The following GRM7 variants were observed in gnomAD, a reference collection of about 807,000 sequenced individuals.
The protein encoded by GRM7 is metabotropic glutamate receptor 7.
In GRM7, 35 loss-of-function variants were observed where a neutral mutation model predicts 84.5. The ratio of observed to expected loss-of-function variants is 0.41; its 90% CI spans 0.32 to 0.55. GRM7 has a LOEUF of 0.55. GRM7 is among the 20% of genes least tolerant of loss of function. GRM7 has a pLI of 0.19. For missense variants in GRM7, 1,003 were observed against 1,194.6 expected, an observed-to-expected ratio of 0.84 and a Z score of 2.36; for synonymous variants, 487 against 455.1, an observed-to-expected ratio of 1.07 and a Z score of -0.89.
intron 9 of GRM7, among the ~76,000 whole-genome samples, chr3:7,685,972 T>C (rs1700567810): frequency 6.6e-6 from 1 of 152,192 alleles, no homozygotes; most frequent in Non-Finnish European, 1.5e-5. Flanking sequence ...CTCAACATTA[T>C]GTTACTTGTT....
rs577110503 is a variant in GRM7 at position 7,305,067 on chromosome 3, T to G, written c.879-1431T>G. ...AGTCTACTTTCTGATATGTATCAGA[T>G]TTTTACAGAAAAATTATTTTCTACC... On this transcript the variant is annotated intron_variant, in intron 3 of 9. Coordinates refer to ENST00000357716, the MANE Select transcript of GRM7 (RefSeq NM_000844.4). 2.0e-4 allele frequency among the ~76,000 whole-genome samples: 31 copies of G among 152,276 alleles called. No homozygotes were observed. In the East Asian group the frequency reaches 6.0e-3, roughly 29 times the overall value.
intron 9 of GRM7, among the ~76,000 whole-genome samples, chr3:7,720,942 A>T (rs1377766186): frequency 1.3e-5 from 2 of 152,204 alleles, no homozygotes; most frequent in Admixed American, 6.5e-5. Flanking sequence ...TCTTAGCCTC[A>T]GATCTACTTT....
At chr3:6,964,829 GA>G (rs1375815814) in intron 1 of GRM7, among the ~76,000 whole-genome samples, 2 of 152,174 alleles carry the variant, frequency 1.3e-5, no homozygotes, top group Non-Finnish European at 1.5e-5. Flanking sequence ...CTTGGTATCT[GA>G]CAGCAATGCC....
In GRM7 at chr3:7,055,541, G is replaced by A. The variant is rs1322731252; in HGVS notation, c.520-90911G>A. ...TATATATACATACACACACATTTAA[G>A]ACAGAGTCTCACTCTGTCACCCAGG... On this transcript the variant is annotated intron_variant, in intron 1 of 9. Transcript: ENST00000357716. Among the ~76,000 whole-genome samples the A allele has an allele frequency of 5.3e-5, 8 of 150,226 alleles. No homozygotes were observed. In the East Asian group the frequency reaches 1.6e-3, roughly 30 times the overall value.
intron 2 of GRM7, among the ~76,000 whole-genome samples, chr3:7,154,094 T>C (rs1033170609): frequency 9.9e-5 from 15 of 152,152 alleles, no homozygotes; most frequent in African/African-American, 3.6e-4. Flanking sequence ...CTTTGAAAAC[T>C]TGTGTGAATC....
At chr3:7,341,552 C>T (rs767114749) in intron 4 of GRM7, among the ~76,000 whole-genome samples, 1 of 152,042 alleles carries the variant, frequency 6.6e-6, no homozygotes, top group African/African-American at 2.4e-5. Context: ...CAAGAGCTTG[C>T]AGTCTAGTAT....
chr3:7,092,426 T>C (rs1698697950), intron 1 of GRM7, among the ~76,000 whole-genome samples: 1 of 152,160 alleles, frequency 6.6e-6, no homozygotes, highest in African/African-American at 2.4e-5. Context: ...TCTCGGGCAA[T>C]TGACAATCAT....
At chr3:7,104,485 A>G (rs1485783661) in intron 1 of GRM7, among the ~76,000 whole-genome samples, 1 of 151,800 alleles carries the variant, frequency 6.6e-6, no homozygotes, top group Non-Finnish European at 1.5e-5. Context: ...CTCTTTATAA[A>G]TTATTACTCT....
rs539458016 is a variant in GRM7 at position 7,609,317 on chromosome 3, T to C, written c.2451+29960T>C. Among the ~76,000 whole-genome samples, 19 of 152,172 alleles carry C rather than the reference T, an allele frequency of 1.2e-4. No homozygotes were observed. In the South Asian group the frequency reaches 3.7e-3, roughly 30 times the overall value. ...AGCAGGGAAGTCACATTTTAGATCA[T>C]GAGGAAAGTGGGGTCCATAAATGAA... On this transcript the variant is annotated intron_variant, in intron 8 of 9. Transcript: ENST00000357716.
At chr3:7,492,343 A>G (rs962131768) in intron 7 of GRM7, among the ~76,000 whole-genome samples, 2 of 152,118 alleles carry the variant, frequency 1.3e-5, no homozygotes, top group African/African-American at 4.8e-5. Flanking sequence ...CTAAAAGTTC[A>G]CTTTTTTTGT....
intron 5 of GRM7, among the ~76,000 whole-genome samples, chr3:7,452,176 G>A (rs537807617): frequency 2.0e-5 from 3 of 152,102 alleles, no homozygotes; most frequent in Admixed American, 6.6e-5. Context: ...ACTAACAATC[G>A]AGACAGGCAA....
At chr3:7,080,572 A>G (rs1698243918) in intron 1 of GRM7, among the ~76,000 whole-genome samples, 1 of 152,016 alleles carries the variant, frequency 6.6e-6, no homozygotes, top group African/African-American at 2.4e-5. Flanking sequence ...CCTTTCTTAT[A>G]TACTGTATTC....
At chr3:7,000,510 C>T (rs1694976722) in intron 1 of GRM7, among the ~76,000 whole-genome samples, 2 of 152,034 alleles carry the variant, frequency 1.3e-5, no homozygotes, top group Admixed American at 6.6e-5. Context: ...TTTTAAAAAG[C>T]ACATTCTGAG....
chr3:7,732,995 T>A (rs1316718485), intron 9 of GRM7, among the ~76,000 whole-genome samples: 1 of 152,224 alleles, frequency 6.6e-6, no homozygotes, highest in Non-Finnish European at 1.5e-5. Flanking sequence ...AGTAACCTCC[T>A]GATGTGGCTA....
chr3:7,630,796 T>C (rs1445805230), intron 8 of GRM7, among the ~76,000 whole-genome samples: 6 of 152,288 alleles, frequency 3.9e-5, no homozygotes, highest in African/African-American at 1.4e-4. Context: ...CCCCAGGAAG[T>C]AGGTACAAAA....
chr3:7,518,468 C>G (rs191487631), intron 7 of GRM7, among the ~76,000 whole-genome samples: 68 of 152,290 alleles, frequency 4.5e-4, no homozygotes, highest in South Asian at 1.5e-3. Context: ...TTACTGTGAT[C>G]TTTCCTCTCT....
At chr3:7,213,168 A>G (rs1559505486) in intron 2 of GRM7, among the ~76,000 whole-genome samples, 1 of 152,232 alleles carries the variant, frequency 6.6e-6, no homozygotes, top group Non-Finnish European at 1.5e-5. Context: ...ATACCAACTT[A>G]ACCAGTCAAA....
intron 8 of GRM7, among the ~76,000 whole-genome samples, chr3:7,590,607 G>A (rs981912653): frequency 1.3e-5 from 2 of 151,836 alleles, no homozygotes; most frequent in Non-Finnish European, 2.9e-5. Context: ...ACTTTTCTTC[G>A]GTCTTGCTGG....
At chr3:7,266,245 C>T (rs1698633818) in intron 2 of GRM7, among the ~76,000 whole-genome samples, 1 of 152,130 alleles carries the variant, frequency 6.6e-6, no homozygotes, top group African/African-American at 2.4e-5. Context: ...GCTATTAAAA[C>T]CCACTTTTTA....
Sources: allele counts gnomAD v4.1 joint callset (sites outside exome capture counted in the v4.1 genomes callset), GRCh38; gene constraint gnomAD v4.1.1; transcripts MANE v1.5; gene names NCBI Gene and HGNC (gene_info 2026-07-23, HGNC 2026-07-21).